SPPL3: variants seen among roughly 807,000 people sequenced by gnomAD.
SPPL3 encodes signal peptide peptidase-like 3.
In SPPL3, 5 loss-of-function variants were observed where a neutral mutation model predicts 42.4. The observed-to-expected ratio is 0.12, with a 90% CI of 0.06 to 0.25. The LOEUF (loss-of-function observed/expected upper bound fraction) is 0.25. Ranked by LOEUF, SPPL3 falls within the 10% of genes least tolerant of loss-of-function variation. SPPL3 has a pLI of 1.00. For synonymous variants in SPPL3, 195 were observed against 181.8 expected (o/e 1.07, Z -0.58); for missense variants, 235 against 489.0 (o/e 0.48, Z 4.90).
intron 6 of SPPL3, among the ~76,000 whole-genome samples, chr12:120,779,820 CAAAAA>C (rs1164272443): frequency 3.5e-4 from 15 of 42,778 alleles, no homozygotes; most frequent in South Asian, 1.5e-3. Context: ...ACTAAAAATA[CAAAAA>C]AAAAAAAAAA....
intron 3 of SPPL3, among the ~76,000 whole-genome samples, chr12:120,789,594 G>T (rs1304464284): frequency 6.6e-6 from 1 of 151,720 alleles, no homozygotes; most frequent in Non-Finnish European, 1.5e-5. Flanking sequence ...GAAGGCCGAA[G>T]TGGATGGATC....
rs541385243 is a variant in SPPL3 at position 120,891,541 on chromosome 12, A to T, written c.23+12304T>A. 1.8e-4 allele frequency among the ~76,000 whole-genome samples: 27 copies of T among 152,264 alleles called. No homozygotes were observed. The South Asian group carries it at 2.1e-3, about 12-fold the overall frequency. On this transcript the variant is annotated intron_variant, in intron 1 of 10. Transcript: ENST00000353487. ...GGCAAAATAAGTTTCTATTAAAAAA[A>T]TTTTTTTAGCTTTTTAAACAAAAGC... is the stretch of plus-strand genomic sequence containing the variant.
chr12:120,807,093 G>A (rs2136998681), intron 2 of SPPL3, among the ~76,000 whole-genome samples: 1 of 152,246 alleles, frequency 6.6e-6, no homozygotes, highest in East Asian at 1.9e-4. Context: ...ATATGACTGA[G>A]AGAGAATTTT....
At chr12:120,862,931 G>A (rs1359464735) in intron 1 of SPPL3, among the ~76,000 whole-genome samples, 1 of 152,150 alleles carries the variant, frequency 6.6e-6, no homozygotes, top group African/African-American at 2.4e-5. Context: ...CTCAGGTAGG[G>A]TTGAAAGGGA....
intron 7 of SPPL3, chr12:120,768,710 C>T (rs757023116): frequency 1.6e-4 from 102 of 643,542 alleles, no homozygotes; most frequent in Middle Eastern, 1.3e-3. Context: ...CCCACTGCAG[C>T]GAATCTTGTC....
intron 1 of SPPL3, among the ~76,000 whole-genome samples, chr12:120,895,210 C>G (rs1178213017): frequency 1.3e-5 from 2 of 152,074 alleles, no homozygotes; most frequent in Non-Finnish European, 2.9e-5. Flanking sequence ...GGTGGATCAC[C>G]TGAGATCAGG....
intron 1 of SPPL3, among the ~76,000 whole-genome samples, chr12:120,876,831 AC>A (rs1873117052): frequency 6.6e-6 from 1 of 151,350 alleles, no homozygotes; most frequent in Admixed American, 6.6e-5. Context: ...ACACACACAC[AC>A]ACACACACAC....
At chr12:120,831,016 T>C (rs1871409859) in intron 1 of SPPL3, among the ~76,000 whole-genome samples, 2 of 152,112 alleles carry the variant, frequency 1.3e-5, no homozygotes, top group African/African-American at 4.8e-5. Context: ...TGGGAGGGCA[T>C]CATCTAATCC....
intron 1 of SPPL3, among the ~76,000 whole-genome samples, chr12:120,871,147 A>AAAAAAAAAAAAAT (rs1872913400): frequency 6.7e-6 from 1 of 149,866 alleles, no homozygotes; most frequent in Non-Finnish European, 1.5e-5. Flanking sequence ...AAAAAAAAAA[A>AAAAAAAAAAAAAT]AAGAAAAAGT....
intron 1 of SPPL3, among the ~76,000 whole-genome samples, chr12:120,900,447 A>G (rs1267381031): frequency 6.6e-6 from 1 of 151,936 alleles, no homozygotes; most frequent in Non-Finnish European, 1.5e-5. Flanking sequence ...AATACAAAAA[A>G]TGCAATAATC....
chr12:120,862,653 G>A (rs956128307), intron 1 of SPPL3, among the ~76,000 whole-genome samples: 71 of 152,274 alleles, frequency 4.7e-4, no homozygotes, highest in Middle Eastern at 3.4e-3. Flanking sequence ...CCATGCCTTC[G>A]GTGGGTGCAC....
At chr12:120,781,109 TAA>T (rs1182605905) in intron 6 of SPPL3, among the ~76,000 whole-genome samples, 1 of 152,148 alleles carries the variant, frequency 6.6e-6, no homozygotes, top group African/African-American at 2.4e-5. Context: ...TTCTGAGGAT[TAA>T]AAGAGATGAT....
intron 1 of SPPL3, chr12:120,844,989 A>C (rs1323573756): frequency 5.6e-6 from 1 of 179,452 alleles, no homozygotes; most frequent in African/African-American, 2.4e-5. Context: ...CATTTACAGC[A>C]CAGTGTGATG....
intron 1 of SPPL3, among the ~76,000 whole-genome samples, chr12:120,877,735 C>T (rs1190837080): frequency 2.1e-5 from 3 of 144,602 alleles, no homozygotes; most frequent in Non-Finnish European, 3.0e-5. Context: ...GAGCCGAGAT[C>T]GTGCCATTGC....
In SPPL3 at chr12:120,767,386, T is replaced by A; in HGVS notation, c.973+8A>T. 6.2e-7 allele frequency: 1 copy of A among 1,610,968 alleles called. No individual in the cohort carries two copies. Among genetic ancestry groups the A allele is most frequent in the Admixed American group, 1.7e-5 (1 of 60,026 alleles). On this transcript the variant is annotated splice_region_variant and intron_variant, in intron 9 of 10. Transcript: ENST00000353487. ...GAGGATCATCTGCAGTCTCTCTGGT[T>A]CTCTTACCTACAAAGTATCCGATGA...
chr12:120,897,055 G>T (rs1873829353), intron 1 of SPPL3, among the ~76,000 whole-genome samples: 1 of 152,096 alleles, frequency 6.6e-6, no homozygotes, highest in Non-Finnish European at 1.5e-5. Flanking sequence ...TCACGAGATG[G>T]TTTGATAAAA....
chr12:120,809,149 T>C (rs1870599072), intron 2 of SPPL3, among the ~76,000 whole-genome samples: 2 of 152,094 alleles, frequency 1.3e-5, no homozygotes, highest in African/African-American at 2.4e-5. Context: ...ATAGAGACCA[T>C]CCTGGCTAAC....
rs893544389 is a variant in SPPL3, at chr12:120,803,578, A to G, written c.101+7231T>C. On this transcript the variant is annotated intron_variant, in intron 2 of 10. Coordinates refer to ENST00000353487, the MANE Select transcript of SPPL3 (RefSeq NM_139015.5). ...AATTTTAATTTATAAAAAATTTTAA[A>G]AAGAAAGTTTTTTGATAATTCTACT... Among the ~76,000 whole-genome samples, 4 of 152,236 alleles carry G rather than the reference A, an allele frequency of 2.6e-5. No individual in the cohort carries two copies. The South Asian group carries it at 6.2e-4, about 24-fold the overall frequency.
intron 1 of SPPL3, among the ~76,000 whole-genome samples, chr12:120,884,876 T>C (rs1383144489): frequency 6.6e-6 from 1 of 150,444 alleles, no homozygotes; most frequent in Non-Finnish European, 1.5e-5. Context: ...GTCACACCTA[T>C]TCAATAAATA....
Sources: gnomAD v4.1 joint callset for allele counts (sites outside exome capture counted in the v4.1 genomes callset) on GRCh38, gnomAD v4.1.1 for gene constraint, MANE v1.5 for transcripts, NCBI Gene and HGNC (gene_info 2026-07-23, HGNC 2026-07-21) for gene names.